EDN1: variants seen among roughly 807,000 people sequenced by gnomAD.
EDN1 encodes the protein endothelin 1.
In EDN1, 11 loss-of-function variants were observed where a neutral mutation model predicts 21.7. The observed-to-expected ratio is 0.51, with a 90% CI of 0.32 to 0.84. The LOEUF (loss-of-function observed/expected upper bound fraction) is 0.84. Ranked by LOEUF, EDN1 falls within the 40% of genes least tolerant of loss-of-function variation. EDN1 has a pLI of 0.03. For missense variants in EDN1, 244 were observed against 262.3 expected, an observed-to-expected ratio of 0.93 and a Z score of 0.48; for synonymous variants, 85 against 90.6, an observed-to-expected ratio of 0.94 and a Z score of 0.35.
the EDN1 span, among the ~76,000 whole-genome samples, chr6:12,267,315 G>T: frequency 2.6e-5 from 4 of 152,072 alleles, no homozygotes; most frequent in African/African-American, 4.8e-5. Context: ...TAATTGCTAT[G>T]GTTTAAAGGT....
the EDN1 span, among the ~76,000 whole-genome samples, chr6:12,266,486 G>A: frequency 6.6e-6 from 1 of 152,150 alleles, no homozygotes; most frequent in African/African-American, 2.4e-5. Flanking sequence ...GATCCAGGCA[G>A]GAAAGACACA....
At chr6:12,278,703 C>T in the EDN1 span, among the ~76,000 whole-genome samples, 1 of 152,100 alleles carries the variant, frequency 6.6e-6, no homozygotes, top group African/African-American at 2.4e-5. Context: ...ACCTGACCAG[C>T]CTGGTCAACA....
the EDN1 span, among the ~76,000 whole-genome samples, chr6:12,262,632 G>A: frequency 9.8e-5 from 15 of 152,286 alleles, no homozygotes; most frequent in Admixed American, 2.6e-4. Flanking sequence ...AGCACTTTGG[G>A]AGGCCAAGGC....
chr6:12,284,744 G>GAAAGA, the EDN1 span, among the ~76,000 whole-genome samples: 803 of 68,654 alleles, frequency 0.012, 6 homozygotes, highest in East Asian at 0.019. Context: ...AGGAAGGAAG[G>GAAAGA]AAGGAAGAAA....
At chr6:12,246,512 C>G in the EDN1 span, among the ~76,000 whole-genome samples, 25 of 152,162 alleles carry the variant, frequency 1.6e-4, no homozygotes, top group African/African-American at 6.0e-4. Context: ...TGGCAAGATC[C>G]TGGGCGTGCA....
chr6:12,294,370 A>G lies in EDN1; in HGVS notation c.499A>G (p.Arg167Gly). The G allele has an allele frequency of 3.1e-6, 5 of 1,613,532 alleles. No individual in the cohort carries two copies. Among genetic ancestry groups the G allele is most frequent in the Non-Finnish European group, 4.2e-6 (5 of 1,179,864 alleles). Residue 167 changes from arginine to glycine, a missense_variant, in exon 4 of 5, where the codon AGA becomes GGA. Arg to Gly is a moderately radical substitution (Grantham distance 125). Transcript: ENST00000379375. Reference protein sequence around the residue: ...YQQLVRGRKIRRSSEEHLRQT... With the variant: ...YQQLVRGRKIGRSSEEHLRQT... ...GCAGTTAGTGAGAGGAAGAAAAATC[A>G]GAAGAAGTTCAGAGGAACACCTAAG...
the EDN1 span, among the ~76,000 whole-genome samples, chr6:12,256,556 C>T: frequency 3.3e-5 from 5 of 152,248 alleles, no homozygotes; most frequent in East Asian, 1.9e-4. Context: ...AAGGTGCATC[C>T]GTCTGTGACC....
chr6:12,276,118 C>T, the EDN1 span, among the ~76,000 whole-genome samples: 40 of 141,214 alleles, frequency 2.8e-4, no homozygotes, highest in African/African-American at 9.7e-4. Flanking sequence ...GCCGAGGTCG[C>T]GCCACTGCAC....
chr6:12,251,286 G>GACTT, the EDN1 span, among the ~76,000 whole-genome samples: 1 of 152,168 alleles, frequency 6.6e-6, no homozygotes. Context: ...ATATTGGAAA[G>GACTT]ACTTACACAA....
At chr6:12,273,372 G>A in the EDN1 span, among the ~76,000 whole-genome samples, 2 of 152,128 alleles carry the variant, frequency 1.3e-5, no homozygotes, top group Non-Finnish European at 2.9e-5. Context: ...TCAGTGATAG[G>A]GAGGAAGGGC....
At chr6:12,245,236 A>C in the EDN1 span, among the ~76,000 whole-genome samples, 3 of 152,162 alleles carry the variant, frequency 2.0e-5, no homozygotes, top group South Asian at 6.2e-4. Context: ...ATGGGTACAT[A>C]GGACTTGATA....
chr6:12,286,229 T>C (rs1762557682), upstream of EDN1, among the ~76,000 whole-genome samples: 1 of 152,256 alleles, frequency 6.6e-6, no homozygotes, highest in Non-Finnish European at 1.5e-5. Flanking sequence ...GATTATCCTA[T>C]GGATGAGTGT....
upstream of EDN1, among the ~76,000 whole-genome samples, chr6:12,286,924 G>C (rs9471406): frequency 1.8e-4 from 27 of 151,924 alleles, no homozygotes; most frequent in Non-Finnish European, 4.0e-4. Context: ...GACCAGCCTA[G>C]GCAACATAGT....
At chr6:12,285,497 T>C (rs1762548366), upstream of EDN1, among the ~76,000 whole-genome samples, 1 of 151,982 alleles carries the variant, frequency 6.6e-6, no homozygotes, top group Non-Finnish European at 1.5e-5. Flanking sequence ...TTGCAGTTGA[T>C]GGAACTGTGG....
the EDN1 span, among the ~76,000 whole-genome samples, chr6:12,260,369 T>C: frequency 2.6e-5 from 4 of 152,200 alleles, no homozygotes; most frequent in African/African-American, 9.6e-5. Context: ...AAATCAAGCT[T>C]CTTGCCTTCT....
In EDN1 at chr6:12,297,041, T is replaced by C. The variant is rs1762843679; in HGVS notation, c.*974T>C. 6.6e-6 allele frequency: 1 copy of C among 152,252 alleles called. No homozygotes were observed. Among genetic ancestry groups the C allele is most frequent in the Non-Finnish European group, 1.5e-5 (1 of 68,042 alleles). The allele number at this position is 152,252 out of a possible 1,614,324, so 9.4% of individuals were successfully genotyped here. On this transcript the variant is annotated 3_prime_UTR_variant, in exon 5 of 5. Coordinates refer to ENST00000379375, the MANE Select transcript of EDN1 (RefSeq NM_001955.5). ...TAGATATTTATATTCAAACAATTTA[T>C]TCCTTATATTTACCATGTTAAATAT...
At chr6:12,289,562 A>C (rs1438561105), upstream of EDN1, among the ~76,000 whole-genome samples, 1 of 152,130 alleles carries the variant, frequency 6.6e-6, no homozygotes, top group East Asian at 1.9e-4. Context: ...GGTGGCACCG[A>C]CCAATCTTAA....
the EDN1 span, among the ~76,000 whole-genome samples, chr6:12,239,322 T>A: frequency 6.6e-5 from 10 of 152,242 alleles, no homozygotes; most frequent in African/African-American, 2.4e-4. Flanking sequence ...ACTTGGATGT[T>A]CTTGTTCCTT....
Position 12,290,433 on chromosome 6 carries a change from T to C in EDN1, c.-197T>C. ...GCAGTCCCAGCTCTCCACCGCCGCG[T>C]GCGCCTGCAGACGCTCCGCTCGCTG... On this transcript the variant is annotated 5_prime_UTR_variant, in exon 1 of 5. Coordinates refer to ENST00000379375, the MANE Select transcript of EDN1 (RefSeq NM_001955.5). 1.7e-6 allele frequency: 1 copy of C among 601,778 alleles called. No homozygotes were observed. The highest frequency in any genetic ancestry group is 2.9e-6 in the Non-Finnish European group (1 of 339,336). The allele number at this position is 601,778 out of a possible 1,614,324, so 37.3% of individuals were successfully genotyped here.
Sources: gnomAD v4.1 joint callset for allele counts (sites outside exome capture counted in the v4.1 genomes callset) on GRCh38, gnomAD v4.1.1 for gene constraint, MANE v1.5 for transcripts, NCBI Gene and HGNC (gene_info 2026-07-23, HGNC 2026-07-21) for gene names.